Variants in CDKN2B-AS1 observed in about 807,000 individuals in gnomAD.
CDKN2B-AS1 encodes the protein CDKN2B and CDKN2A antisense cis and trans regulatory RNA 1, also known as CDKN2B antisense RNA 1 (non-protein coding).
intron 4 of CDKN2B-AS1, among the ~76,000 whole-genome samples, chr9:22,079,786 C>T (rs986407166): frequency 6.6e-6 from 1 of 152,196 alleles, no homozygotes; most frequent in African/African-American, 2.4e-5. Context: ...CATGTCCCTT[C>T]TCCACCGGCA....
At chr9:22,106,551 T>C (rs1825665633) in intron 4 of CDKN2B-AS1, among the ~76,000 whole-genome samples, 4 of 152,152 alleles carry the variant, frequency 2.6e-5, no homozygotes, top group Admixed American at 2.6e-4. Context: ...AGCTTTCTTA[T>C]TTGTAAAATG....
At chr9:22,105,106 C>G (rs766951599) in intron 4 of CDKN2B-AS1, among the ~76,000 whole-genome samples, 7 of 152,162 alleles carry the variant, frequency 4.6e-5, no homozygotes, top group Non-Finnish European at 8.8e-5. Context: ...ATTGAAACTG[C>G]AACAGCTACA....
intron 4 of CDKN2B-AS1, among the ~76,000 whole-genome samples, chr9:22,083,551 A>G (rs1339492482): frequency 6.6e-6 from 1 of 152,208 alleles, no homozygotes; most frequent in Non-Finnish European, 1.5e-5. Context: ...GCATACCTTG[A>G]ATATTCTGAA....
intron 4 of CDKN2B-AS1, among the ~76,000 whole-genome samples, chr9:22,091,620 T>C (rs561951037): frequency 1.4e-3 from 206 of 152,280 alleles, no homozygotes; most frequent in African/African-American, 4.8e-3. Context: ...ATGATTTGGC[T>C]CTCTGTCTGT....
intron 4 of CDKN2B-AS1, chr9:22,120,121 A>G (rs561581779): frequency 1.8e-4 from 28 of 152,312 alleles, no homozygotes; most frequent in African/African-American, 6.7e-4. Context: ...GATTGTATAC[A>G]CTATAATGAT....
intron 4 of CDKN2B-AS1, among the ~76,000 whole-genome samples, chr9:22,089,369 T>C (rs1824984178): frequency 6.6e-6 from 1 of 152,214 alleles, no homozygotes; most frequent in African/African-American, 2.4e-5. Flanking sequence ...AAAAATTTCA[T>C]AGGTAAGATG....
At chr9:22,008,385 T>C (rs958880760) in intron 1 of CDKN2B-AS1, among the ~76,000 whole-genome samples, 2 of 152,232 alleles carry the variant, frequency 1.3e-5, no homozygotes, top group African/African-American at 2.4e-5. Flanking sequence ...GAAGTTTACA[T>C]TGATTTTTTC....
intron 4 of CDKN2B-AS1, among the ~76,000 whole-genome samples, chr9:22,081,129 A>G (rs12347950): frequency 0.026 from 4,004 of 152,204 alleles, 164 homozygotes; most frequent in African/African-American, 0.09. Context: ...TCCTTTTAAA[A>G]CTGTAGCTTA....
intron 1 of CDKN2B-AS1, among the ~76,000 whole-genome samples, chr9:22,023,882 C>T (rs1351109590): frequency 1.3e-5 from 2 of 152,328 alleles, no homozygotes; most frequent in Non-Finnish European, 2.9e-5. Flanking sequence ...TTACAACATA[C>T]TCCTATAACT....
rs1047455426 is a variant in CDKN2B-AS1 at position 22,083,961 on chromosome 9, C to G, written n.438+27574C>G. ...TCAGTTTTCCCTCAATAATTAATCA[C>G]TTTACATCTTTGTGATCTTAAATCT... is the stretch of plus-strand genomic sequence containing the variant. On this transcript the variant is annotated intron_variant and non_coding_transcript_variant, in intron 4 of 4. Coordinates refer to ENST00000650946, the Ensembl canonical transcript of CDKN2B-AS1. 2.0e-5 allele frequency among the ~76,000 whole-genome samples: 3 copies of G among 152,188 alleles called. No individual in the cohort carries two copies. In the East Asian group the frequency reaches 5.8e-4, roughly 29 times the overall value.
At chr9:22,080,968 T>A (rs1206736732) in intron 4 of CDKN2B-AS1, among the ~76,000 whole-genome samples, 1 of 152,234 alleles carries the variant, frequency 6.6e-6, no homozygotes, top group Non-Finnish European at 1.5e-5. Flanking sequence ...TATCATAAAA[T>A]GTCAGCTAGT....
At chr9:22,007,248 G>A (rs1821233463) in intron 1 of CDKN2B-AS1, among the ~76,000 whole-genome samples, 1 of 152,126 alleles carries the variant, frequency 6.6e-6, no homozygotes, top group African/African-American at 2.4e-5. Context: ...TGTAGTCCCA[G>A]CAACTCAGGA....
intron 3 of CDKN2B-AS1, among the ~76,000 whole-genome samples, chr9:22,051,966 G>T (rs1468574824): frequency 6.6e-6 from 1 of 152,122 alleles, no homozygotes; most frequent in East Asian, 1.9e-4. Context: ...TTCACTAGCT[G>T]CACAGTTTGT....
rs71336509 is a variant in CDKN2B-AS1, at chr9:22,071,285, C to CTTTTTTTTTT, written n.438+14920_438+14929dup. On this transcript the variant is annotated intron_variant and non_coding_transcript_variant, in intron 4 of 4. Transcript: ENST00000650946. ...AGAGGCCAGGCTTAGAAATATCTAG[C>CTTTTTTTTTT]TTTTTTTTTTTTTTTTTTTTTTTTT... 2.8e-4 allele frequency among the ~76,000 whole-genome samples: 19 copies of CTTTTTTTTTT among 67,574 alleles called. 1 individual carries two copies. Among genetic ancestry groups the CTTTTTTTTTT allele is most frequent in the African/African-American group, 1.1e-3 (15 of 14,204 alleles). 44.3% of individuals were successfully genotyped at this position (67,574 alleles called of 152,430 possible). A position where few individuals can be genotyped will look rare whatever the true frequency, so the allele number is the denominator to read the frequency against.
intron 1 of CDKN2B-AS1, among the ~76,000 whole-genome samples, chr9:22,017,250 C>T (rs1821811013): frequency 6.6e-6 from 1 of 152,146 alleles, no homozygotes; most frequent in South Asian, 2.1e-4. Flanking sequence ...TATGGTGAAA[C>T]CCCATCTCTA....
In CDKN2B-AS1 at chr9:22,006,147, T is replaced by G. The variant is rs949896511; in HGVS notation, n.29+10986T>G. On this transcript the variant is annotated intron_variant and non_coding_transcript_variant, in intron 1 of 4. Coordinates refer to ENST00000650946, the Ensembl canonical transcript of CDKN2B-AS1. The surrounding 1 kb of genome is among the most constrained non-coding windows in gnomAD (Gnocchi z 6.4). The stretch of plus-strand genomic sequence containing the variant: ...GTCCAGGAAGCCCTCCCGGGCAGCA[T>G]CATGCACCGGTCGGGTGAGAGTGGC... 6.2e-7 allele frequency: 1 copy of G among 1,611,752 alleles called. No homozygotes were observed. The highest frequency in any genetic ancestry group is 8.5e-7 in the Non-Finnish European group (1 of 1,179,890).
chr9:22,108,875 C>T (rs1194531867), intron 4 of CDKN2B-AS1, among the ~76,000 whole-genome samples: 3 of 151,896 alleles, frequency 2.0e-5, no homozygotes, highest in Non-Finnish European at 4.4e-5. Context: ...GTTCAAAAGC[C>T]GTTTTGCTTG....
chr9:22,056,235 T>TATCTATATATA (rs1291865557), intron 3 of CDKN2B-AS1: 1 of 72,902 alleles, frequency 1.4e-5, no homozygotes, highest in African/African-American at 4.1e-5. Context: ...TATATATATA[T>TATCTATATATA]TTTTTTTTTT....
intron 4 of CDKN2B-AS1, among the ~76,000 whole-genome samples, chr9:22,096,115 G>A (rs189665149): frequency 9.9e-5 from 15 of 152,156 alleles, no homozygotes; most frequent in Admixed American, 9.8e-4. Flanking sequence ...CTAATCAGAG[G>A]GAATAGCACA....
Sources: allele counts gnomAD v4.1 joint callset (sites outside exome capture counted in the v4.1 genomes callset), GRCh38; gene constraint gnomAD v4.1.1; non-coding constraint Gnocchi (gnomAD v3.1); transcripts MANE v1.5; gene names NCBI Gene and HGNC (gene_info 2026-07-23, HGNC 2026-07-21).